PCDHA4: variants seen among roughly 807,000 people sequenced by gnomAD.
PCDHA4 encodes protocadherin alpha 4.
PCDHA4 carries 49 observed loss-of-function variants against 61.4 expected under a neutral mutation model. The ratio of observed to expected loss-of-function variants is 0.80; its 90% CI spans 0.63 to 1.01. The LOEUF is 1.01. Among genes scored for constraint, PCDHA4 ranks in the 50% least tolerant of loss-of-function variants. PCDHA4 has a pLI of 0.00. For synonymous variants in PCDHA4, 590 were observed against 550.3 expected (o/e 1.07, Z -1.01); for missense variants, 1,254 against 1,235.8 (o/e 1.01, Z -0.22).
chr5:140,992,681 G>A (rs575311513), intron 3 of PCDHA4, among the ~76,000 whole-genome samples: 2 of 152,286 alleles, frequency 1.3e-5, no homozygotes, highest in South Asian at 4.2e-4. Flanking sequence ...TGTGTGTTAG[G>A]GGTTGAGGGG....
At chr5:140,922,150 T>C (rs999486530) in intron 1 of PCDHA4, among the ~76,000 whole-genome samples, 5 of 151,298 alleles carry the variant, frequency 3.3e-5, no homozygotes, top group African/African-American at 1.2e-4. Flanking sequence ...ATGAAACTCA[T>C]CAAAAACAAC....
Position 141,006,215 on chromosome 5 carries a change from T to A in PCDHA4, c.2534-3412T>A, listed in dbSNP as rs530559800. Among the ~76,000 whole-genome samples, 194 of 151,754 alleles carry A rather than the reference T, an allele frequency of 1.3e-3. 2 individuals carry two copies. The highest frequency in any genetic ancestry group is 4.2e-3 in the African/African-American group (174 of 41,396). ...ATGTATGTTATGCCTCATTTTTTTT[T>A]AAATTTTTTATTTTTAGATGGAGTC... On this transcript the variant is annotated intron_variant, in intron 3 of 3. Coordinates refer to ENST00000530339, the MANE Select transcript of PCDHA4 (RefSeq NM_018907.4).
chr5:140,928,146 A>G, intron 1 of PCDHA4: 1 of 1,614,222 alleles, frequency 6.2e-7, no homozygotes, highest in African/African-American at 1.3e-5. Flanking sequence ...TCACGGCCTC[A>G]GATAGTGGCT....
chr5:140,991,374 G>A (rs537981449), intron 3 of PCDHA4, among the ~76,000 whole-genome samples: 2 of 152,286 alleles, frequency 1.3e-5, no homozygotes, highest in South Asian at 4.1e-4. Context: ...TGAGTTCTAG[G>A]CCAACTGTAG....
At chr5:140,938,002 G>A (rs1396127552) in intron 1 of PCDHA4, among the ~76,000 whole-genome samples, 1 of 151,938 alleles carries the variant, frequency 6.6e-6, no homozygotes, top group Non-Finnish European at 1.5e-5. Context: ...TGTATCCAAT[G>A]TTCTTGCTAA....
intron 1 of PCDHA4, among the ~76,000 whole-genome samples, chr5:140,937,818 A>T (rs190175998): frequency 0.029 from 4,407 of 151,960 alleles, 79 homozygotes; most frequent in Admixed American, 0.046. Context: ...AAGCTGAGGC[A>T]GGAGAATGGC....
intron 1 of PCDHA4, among the ~76,000 whole-genome samples, chr5:140,912,304 C>T (rs904729298): frequency 6.6e-6 from 1 of 151,998 alleles, no homozygotes; most frequent in Admixed American, 6.6e-5. Flanking sequence ...TCCTGTAATC[C>T]AGTCAAGTTG....
intron 1 of PCDHA4, chr5:140,969,200 G>A: frequency 2.5e-6 from 4 of 1,614,132 alleles, no homozygotes; most frequent in Non-Finnish European, 3.4e-6. Context: ...TTACAATACA[G>A]GGGCCCAGAC....
Position 140,881,767 on chromosome 5 carries a change from C to T in PCDHA4, c.2385+72195C>T, listed in dbSNP as rs923432967. Among the ~76,000 whole-genome samples, 13 of 152,322 alleles carry T rather than the reference C, an allele frequency of 8.5e-5. No homozygotes were observed. In the East Asian group the frequency reaches 2.1e-3, roughly 25 times the overall value. On this transcript the variant is annotated intron_variant, in intron 1 of 3. Coordinates refer to ENST00000530339, the MANE Select transcript of PCDHA4 (RefSeq NM_018907.4). ...GACAGTACCACAAAAACCTACATGA[C>T]TATGCAGAACTACCGATCAATTGTC...
At chr5:140,822,680 A>C (rs2150118519) in intron 1 of PCDHA4, 2 of 1,609,870 alleles carry the variant, frequency 1.2e-6, no homozygotes, top group Non-Finnish European at 1.7e-6. Flanking sequence ...GGTGAAATAA[A>C]AGTTAACGGG....
rs529433053 is a variant in PCDHA4 at position 140,985,961 on chromosome 5, A to C, written c.2533+3398A>C. Among the ~76,000 whole-genome samples, 18 of 151,982 alleles carry C rather than the reference A, an allele frequency of 1.2e-4. 1 individual carries two copies. In the South Asian group the frequency reaches 3.3e-3, roughly 28 times the overall value. On this transcript the variant is annotated intron_variant, in intron 3 of 3. Transcript: ENST00000530339. Reference sequence around the variant, plus strand: ...TCACTGTGTTAGCCAGGATGGTCTCAATCTCCTGACCTCGTGATCCGCCCA... The same window carrying C: ...TCACTGTGTTAGCCAGGATGGTCTCCATCTCCTGACCTCGTGATCCGCCCA...
chr5:140,856,008 G>A, intron 1 of PCDHA4: 1 of 1,542,308 alleles, frequency 6.5e-7, no homozygotes, highest in Middle Eastern at 1.7e-4. Flanking sequence ...GTGCGTTCTA[G>A]ACCGCTGATT....
chr5:140,896,491 T>A (rs2065573741), intron 1 of PCDHA4, among the ~76,000 whole-genome samples: 1 of 152,042 alleles, frequency 6.6e-6, no homozygotes, highest in South Asian at 2.1e-4. Flanking sequence ...GCCTCCTGAG[T>A]AGCTGGGACT....
intron 1 of PCDHA4, among the ~76,000 whole-genome samples, chr5:140,937,820 G>T (rs554138611): frequency 2.6e-5 from 4 of 151,792 alleles, no homozygotes; most frequent in African/African-American, 9.7e-5. Flanking sequence ...GCTGAGGCAG[G>T]AGAATGGCAT....
At chr5:140,829,999 C>A in intron 1 of PCDHA4, 2 of 1,613,998 alleles carry the variant, frequency 1.2e-6, no homozygotes. Flanking sequence ...CCACTCGTGT[C>A]CTGGACGAAG....
intron 1 of PCDHA4, among the ~76,000 whole-genome samples, chr5:140,965,009 T>C (rs2153742434): frequency 6.6e-6 from 1 of 152,248 alleles, no homozygotes; most frequent in South Asian, 2.1e-4. Context: ...GGTGTCAGGA[T>C]CACAACCTTG....
rs782061737 is a variant in PCDHA4 at position 140,807,674 on chromosome 5, G to C, written c.487G>C (p.Gly163Arg). ...PLEGASDADIGENALLTYRLS... is the reference protein window; with the variant it reads ...PLEGASDADIRENALLTYRLS... ...AGAGGGCGCCTCGGATGCAGATATC[G>C]GGGAGAACGCCCTGCTCACTTACAG... The change falls in exon 1 of 4, where the codon GGG becomes CGG. Residue 163 changes from glycine to arginine, a missense_variant. By Grantham distance (125) the Gly-to-Arg change is moderately radical (BLOSUM62 -2). Transcript: ENST00000530339. 3.6e-5 allele frequency: 58 copies of C among 1,614,088 alleles called. No individual in the cohort carries two copies. The highest frequency in any genetic ancestry group is 1.6e-4 in the Middle Eastern group (1 of 6,084).
intron 1 of PCDHA4, among the ~76,000 whole-genome samples, chr5:140,976,370 G>A (rs1392898202): frequency 6.6e-6 from 1 of 152,018 alleles, no homozygotes; most frequent in Non-Finnish European, 1.5e-5. Context: ...GGCCAACATG[G>A]TGAAACCCCA....
rs2150327556 is a variant in PCDHA4, at chr5:140,842,022, A to G, written c.2385+32450A>G. On this transcript the variant is annotated intron_variant, in intron 1 of 3. Transcript: ENST00000530339. Reference sequence around the variant, plus strand: ...GTTCAGCTGCTGGTCACAGTGCTGGATGTGAATGATAATGCTCCCACTTTC... The same window carrying G: ...GTTCAGCTGCTGGTCACAGTGCTGGGTGTGAATGATAATGCTCCCACTTTC... 11 of 1,613,848 alleles carry G rather than the reference A, an allele frequency of 6.8e-6. No homozygotes were observed. The highest frequency in any genetic ancestry group is 3.3e-5 in the Admixed American group (2 of 60,004).
Sources: gnomAD v4.1 joint callset for allele counts (sites outside exome capture counted in the v4.1 genomes callset) on GRCh38, gnomAD v4.1.1 for gene constraint, MANE v1.5 for transcripts, NCBI Gene and HGNC (gene_info 2026-07-23, HGNC 2026-07-21) for gene names.